MVB12B: variants seen among roughly 807,000 people sequenced by gnomAD.
The protein encoded by MVB12B is multivesicular body subunit 12B, also known as ESCRT-I complex subunit MVB12B.
MVB12B carries 16 observed loss-of-function variants against 41.6 expected under a neutral mutation model. That is an observed-to-expected ratio of 0.38 (90% confidence interval 0.26 to 0.58). The LOEUF is 0.58. MVB12B is among the 20% of genes least tolerant of loss of function. The probability of loss-of-function intolerance (pLI) is 0.62; values close to 1 mark genes in which losing one functional copy is unlikely to be tolerated. For missense variants in MVB12B, 274 were observed against 380.2 expected (o/e 0.72, Z 2.32); for synonymous variants, 133 against 139.7 (o/e 0.95, Z 0.34).
Position 126,386,503 on chromosome 9 carries a change from C to A in MVB12B, c.313-59C>A. On this transcript the variant is annotated intron_variant, in intron 3 of 9. Transcript: ENST00000361171. The surrounding 1 kb of genome is among the most constrained non-coding windows in gnomAD (Gnocchi z 4.3). The stretch of plus-strand genomic sequence containing the variant: ...AATATGCATCTGGAAGCCAAAATGG[C>A]AAACCCACCACATGCATGTTCAGAT... The A allele has an allele frequency of 7.3e-7, 1 of 1,364,856 alleles. No homozygotes were observed. 84.5% of individuals were successfully genotyped at this position (1,364,856 alleles called of 1,614,324 possible). A position where few individuals can be genotyped will look rare whatever the true frequency, so the allele number is the denominator to read the frequency against.
chr9:126,358,282 C>T (rs1244022439), intron 2 of MVB12B, among the ~76,000 whole-genome samples: 3 of 151,540 alleles, frequency 2.0e-5, no homozygotes, highest in South Asian at 2.1e-4. Context: ...TTATTTTGGT[C>T]GTTCTAGGTC....
At chr9:126,343,976 C>G (rs1829520024) in intron 2 of MVB12B, among the ~76,000 whole-genome samples, 1 of 150,482 alleles carries the variant, frequency 6.6e-6, no homozygotes, top group African/African-American at 2.4e-5. Flanking sequence ...AGCTGCAACA[C>G]TATATTTATG....
At chr9:126,460,635 G>C (rs1277981403) in intron 7 of MVB12B, among the ~76,000 whole-genome samples, 2 of 152,076 alleles carry the variant, frequency 1.3e-5, no homozygotes, top group Non-Finnish European at 2.9e-5. Context: ...TCTGGAGAAG[G>C]GAGGGCCAAA....
intron 7 of MVB12B, among the ~76,000 whole-genome samples, chr9:126,424,940 GA>G (rs1229399188): frequency 6.6e-6 from 1 of 152,222 alleles, no homozygotes; most frequent in Non-Finnish European, 1.5e-5. Context: ...GAGGTGGATA[GA>G]TCTTAAATGC....
rs763960250 is a variant in MVB12B, at chr9:126,386,543, TC to T, written c.313-18del. 21 of 1,593,688 alleles carry T rather than the reference TC, an allele frequency of 1.3e-5. No homozygotes were observed. The African/African-American group carries it at 2.5e-4, about 19-fold the overall frequency. On this transcript the variant is annotated intron_variant, in intron 3 of 9. Coordinates refer to ENST00000361171, the MANE Select transcript of MVB12B (RefSeq NM_033446.3). The surrounding 1 kb of genome is among the most constrained non-coding windows in gnomAD (Gnocchi z 4.3). ...CATGTTCAGATTAATAGTCTGTATC[TC>T]TTTTCTTTCTTCCCAAGAGTCATCT...
At chr9:126,499,529 C>T (rs990901828) in intron 9 of MVB12B, among the ~76,000 whole-genome samples, 1 of 152,222 alleles carries the variant, frequency 6.6e-6, no homozygotes, top group African/African-American at 2.4e-5. Context: ...GGGTCCAAAT[C>T]CACCTTCAAA....
chr9:126,414,128 G>A (rs1831737358), intron 6 of MVB12B, among the ~76,000 whole-genome samples: 2 of 152,278 alleles, frequency 1.3e-5, no homozygotes, highest in East Asian at 1.9e-4. Context: ...GAAATAAATC[G>A]TGCTGGCAAC....
intron 9 of MVB12B, among the ~76,000 whole-genome samples, chr9:126,485,800 T>C (rs933409860): frequency 1.3e-5 from 2 of 152,180 alleles, no homozygotes; most frequent in Non-Finnish European, 2.9e-5. Flanking sequence ...ATGATAACTC[T>C]GAAGAAAGGG....
At chr9:126,432,460 A>G (rs1185882272) in intron 7 of MVB12B, among the ~76,000 whole-genome samples, 1 of 152,248 alleles carries the variant, frequency 6.6e-6, no homozygotes, top group Admixed American at 6.5e-5. Flanking sequence ...CTGAGAGGGG[A>G]AAATGATGAA....
Position 126,501,109 on chromosome 9 carries a change from C to A in MVB12B, c.874-2068C>A, listed in dbSNP as rs557131957. On this transcript the variant is annotated intron_variant, in intron 9 of 9. Transcript: ENST00000361171. Reference sequence around the variant, plus strand: ...CTTTGGCGCAGCTCCCCCTCCTCAGCCTCCCGGAGCCGGAGTCTCCTGACC... The same window carrying A: ...CTTTGGCGCAGCTCCCCCTCCTCAGACTCCCGGAGCCGGAGTCTCCTGACC... Among the ~76,000 whole-genome samples the A allele has an allele frequency of 6.0e-3, 915 of 152,354 alleles. 14 individuals carry two copies. Among genetic ancestry groups the A allele is most frequent in the African/African-American group, 0.021 (858 of 41,586 alleles).
intron 2 of MVB12B, among the ~76,000 whole-genome samples, chr9:126,356,959 C>T (rs510805): frequency 1 from 151,357 of 152,036 alleles, 75,346 homozygotes; most frequent in Middle Eastern, 1. Flanking sequence ...CAATTAAACC[C>T]CTTGTCTTTA....
At chr9:126,434,819 G>T (rs992826414) in intron 7 of MVB12B, among the ~76,000 whole-genome samples, 1 of 152,160 alleles carries the variant, frequency 6.6e-6, no homozygotes, top group African/African-American at 2.4e-5. Flanking sequence ...CTTGGTTTCC[G>T]AGTTCTAAGA....
At chr9:126,411,507 C>T (rs1831649392) in intron 6 of MVB12B, among the ~76,000 whole-genome samples, 1 of 152,158 alleles carries the variant, frequency 6.6e-6, no homozygotes, top group African/African-American at 2.4e-5. Flanking sequence ...CCTGTGTTCA[C>T]TGGGTAATAC....
chr9:126,384,533 GTA>G (rs147743081), intron 3 of MVB12B, among the ~76,000 whole-genome samples: 1 of 151,430 alleles, frequency 6.6e-6, no homozygotes, highest in African/African-American at 2.4e-5. Context: ...ATGTGTGTGT[GTA>G]TATATATATA....
At chr9:126,446,247 A>G (rs1832762817) in intron 7 of MVB12B, among the ~76,000 whole-genome samples, 1 of 152,096 alleles carries the variant, frequency 6.6e-6, no homozygotes, top group African/African-American at 2.4e-5. Context: ...ATTGACAGAT[A>G]CAGATTATTT....
At chr9:126,346,771 G>A (rs1658129150) in intron 2 of MVB12B, among the ~76,000 whole-genome samples, 1 of 152,202 alleles carries the variant, frequency 6.6e-6, no homozygotes, top group African/African-American at 2.4e-5. Flanking sequence ...GGAGAGGTAG[G>A]TGGAAAATTA....
intron 7 of MVB12B, chr9:126,427,061 G>A (rs976808307): frequency 2.0e-5 from 3 of 152,152 alleles, no homozygotes; most frequent in South Asian, 2.1e-4. Context: ...GCTAGTAGAC[G>A]TCTCAGACAA....
In MVB12B at chr9:126,395,352, C is replaced by T. The variant is rs531021570; in HGVS notation, c.540-223C>T. Among the ~76,000 whole-genome samples the T allele has an allele frequency of 1.3e-5, 2 of 152,276 alleles. No individual in the cohort carries two copies. Among genetic ancestry groups the T allele is most frequent in the African/African-American group, 2.4e-5 (1 of 41,548 alleles). On this transcript the variant is annotated intron_variant, in intron 5 of 9. Coordinates refer to ENST00000361171, the MANE Select transcript of MVB12B (RefSeq NM_033446.3). This position sits in a 1 kb window ranked among gnomAD's most constrained non-coding sequence, Gnocchi z 4.9. ...GCAAGCTTGGGAAGGGTGATGCAGG[C>T]GGCCTTGTCCCGAAGGCCTGCCTAG...
chr9:126,406,835 T>G (rs1223972743), intron 6 of MVB12B, among the ~76,000 whole-genome samples: 1 of 152,134 alleles, frequency 6.6e-6, no homozygotes, highest in Non-Finnish European at 1.5e-5. Flanking sequence ...TCTTCATCTT[T>G]TTTTTTTTAT....
Sources: allele counts gnomAD v4.1 joint callset (sites outside exome capture counted in the v4.1 genomes callset), GRCh38; gene constraint gnomAD v4.1.1; non-coding constraint Gnocchi (gnomAD v3.1); transcripts MANE v1.5; gene names NCBI Gene and HGNC (gene_info 2026-07-23, HGNC 2026-07-21).